The following CISD2 variants were observed in gnomAD, a reference collection of about 807,000 sequenced individuals.
The protein encoded by CISD2 is CDGSH iron-sulfur domain-containing protein 2.
Under a neutral mutation model 12.9 loss-of-function variants are expected in CISD2, and 1 was observed. The observed-to-expected ratio is 0.08, with a 90% CI of 0.03 to 0.37. The LOEUF is 0.37. Ranked by LOEUF, CISD2 falls within the 10% of genes least tolerant of loss-of-function variation. CISD2 has a pLI of 0.99. For synonymous variants in CISD2, 50 were observed against 60.6 expected, an observed-to-expected ratio of 0.83 and a Z score of 0.81; for missense variants, 97 against 163.1, an observed-to-expected ratio of 0.59 and a Z score of 2.21.
In CISD2 at chr4:102,869,381, T is replaced by G. The variant is rs948178049; in HGVS notation, c.103+194T>G. On this transcript the variant is annotated intron_variant, in intron 1 of 2. Coordinates refer to ENST00000273986, the MANE Select transcript of CISD2 (RefSeq NM_001008388.5). ...TGTGAGGCAGTCTCCGGGTGCTTGATGCCCCAGGGTCTTTTGTCCTCGGAG... is the reference window on the plus strand; with the variant it reads ...TGTGAGGCAGTCTCCGGGTGCTTGAGGCCCCAGGGTCTTTTGTCCTCGGAG... 2.7e-5 allele frequency: 20 copies of G among 750,650 alleles called. No homozygotes were observed. The East Asian group carries it at 5.3e-4, about 20-fold the overall frequency. 46.5% of individuals were successfully genotyped at this position (750,650 alleles called of 1,614,324 possible).
In CISD2 at chr4:102,891,340, C is replaced by A. The variant is rs1342854679; in HGVS notation, c.*3910C>A. ...AGGGTCTTGCAGAAGGGGTGAACTACAAAATGTGACAGCTGACAGCAAGTC... is the reference window on the plus strand; with the variant it reads ...AGGGTCTTGCAGAAGGGGTGAACTAAAAAATGTGACAGCTGACAGCAAGTC... On this transcript the variant is annotated 3_prime_UTR_variant, in exon 3 of 3. Coordinates refer to ENST00000273986, the MANE Select transcript of CISD2 (RefSeq NM_001008388.5). The A allele has an allele frequency of 6.6e-6, 1 of 152,080 alleles. No individual in the cohort carries two copies. The highest frequency in any genetic ancestry group is 1.5e-5 in the Non-Finnish European group (1 of 68,010). 9.4% of individuals were successfully genotyped at this position (152,080 alleles called of 1,614,324 possible).
intron 1 of CISD2, among the ~76,000 whole-genome samples, chr4:102,879,479 GC>G (rs1638369229): frequency 6.6e-6 from 1 of 152,086 alleles, no homozygotes; most frequent in Non-Finnish European, 1.5e-5. Flanking sequence ...ATCAAACTGA[GC>G]GCTTCACAAA....
At chr4:102,882,974 C>G (rs1246842654) in intron 1 of CISD2, 1 of 152,230 alleles carries the variant, frequency 6.6e-6, no homozygotes, top group African/African-American at 2.4e-5. Context: ...TCTTGAACTC[C>G]TAACCTCGTG....
At chr4:102,884,613 G>T (rs1268837248) in intron 1 of CISD2, among the ~76,000 whole-genome samples, 2 of 152,128 alleles carry the variant, frequency 1.3e-5, no homozygotes, top group African/African-American at 2.4e-5. Context: ...TACTCCAAAA[G>T]GCTTTAAATG....
At chr4:102,870,307 G>T (rs1432809388) in intron 1 of CISD2, among the ~76,000 whole-genome samples, 2 of 152,128 alleles carry the variant, frequency 1.3e-5, no homozygotes, top group African/African-American at 4.8e-5. Context: ...GTCTAAGGAA[G>T]ATTTTTTTTT....
At chr4:102,876,783 A>G (rs1733602812) in intron 1 of CISD2, among the ~76,000 whole-genome samples, 1 of 152,098 alleles carries the variant, frequency 6.6e-6, no homozygotes, top group Non-Finnish European at 1.5e-5. Context: ...AGAATGGGTA[A>G]TTTATAAAGG....
intron 1 of CISD2, among the ~76,000 whole-genome samples, chr4:102,883,553 G>C (rs1281320482): frequency 6.6e-6 from 1 of 152,158 alleles, no homozygotes; most frequent in African/African-American, 2.4e-5. Context: ...CTACAAGTCT[G>C]TTGGGTACAA....
intron 1 of CISD2, among the ~76,000 whole-genome samples, chr4:102,877,685 G>A (rs566963379): frequency 6.6e-6 from 1 of 152,312 alleles, no homozygotes; most frequent in Admixed American, 6.5e-5. Flanking sequence ...CTCCATGAAG[G>A]CTCCACCCCT....
At chr4:102,869,406 G>A in intron 1 of CISD2, 1 of 717,390 alleles carries the variant, frequency 1.4e-6, no homozygotes, top group Non-Finnish European at 2.5e-6. Context: ...TGTCCTCGGA[G>A]TTGTCTCCGG....
rs987017014 is a variant in CISD2, at chr4:102,889,088, T to C, written c.*1658T>C. Reference sequence around the variant, plus strand: ...TTTAATTTATTACATGTAATGTCAGTAGGTTCAATTATATGATCGTAACAT... The same window carrying C: ...TTTAATTTATTACATGTAATGTCAGCAGGTTCAATTATATGATCGTAACAT... On this transcript the variant is annotated 3_prime_UTR_variant, in exon 3 of 3. Transcript: ENST00000273986. The C allele has an allele frequency of 1.3e-4, 20 of 152,224 alleles. No individual in the cohort carries two copies. Among genetic ancestry groups the C allele is most frequent in the African/African-American group, 4.6e-4 (19 of 41,468 alleles). The allele number at this position is 152,224 out of a possible 1,614,324, so 9.4% of individuals were successfully genotyped here.
chr4:102,881,009 T>A (rs549018429), intron 1 of CISD2, among the ~76,000 whole-genome samples: 254 of 149,196 alleles, frequency 1.7e-3, no homozygotes, highest in African/African-American at 4.1e-3. Context: ...AAAAAAAAAA[T>A]TTTTTTTGCA....
rs1303466354 is a variant in CISD2, at chr4:102,876,104, T to A, written c.103+6917T>A. ...TGTTTATTTGTTCACTTGTTTATAG[T>A]CTCTGTCCTCTGAAATATATACCCT... On this transcript the variant is annotated intron_variant, in intron 1 of 2. Coordinates refer to ENST00000273986, the MANE Select transcript of CISD2 (RefSeq NM_001008388.5). 2.0e-5 allele frequency among the ~76,000 whole-genome samples: 3 copies of A among 152,234 alleles called. No individual in the cohort carries two copies. In the East Asian group the frequency reaches 5.8e-4, roughly 29 times the overall value.
intron 1 of CISD2, among the ~76,000 whole-genome samples, chr4:102,870,885 A>G (rs987675606): frequency 2.6e-5 from 4 of 152,192 alleles, no homozygotes; most frequent in Admixed American, 6.5e-5. Context: ...AAATGTTTCT[A>G]TTTTTTAAAA....
At chr4:102,869,272 C>G (rs1733350496) in intron 1 of CISD2, 85 bp downstream of exon 1, 2 of 1,511,740 alleles carry the variant, frequency 1.3e-6, no homozygotes, top group African/African-American at 2.8e-5. Flanking sequence ...GGCCAAGGGG[C>G]GGGACGGAGC....
At chr4:102,881,463 G>T (rs1033730695) in intron 1 of CISD2, among the ~76,000 whole-genome samples, 3 of 152,202 alleles carry the variant, frequency 2.0e-5, no homozygotes, top group African/African-American at 7.2e-5. Context: ...GATAAATGAG[G>T]TGACGAATAT....
chr4:102,885,766 T>C (rs959835185), intron 2 of CISD2, among the ~76,000 whole-genome samples: 7 of 152,216 alleles, frequency 4.6e-5, no homozygotes, highest in African/African-American at 1.7e-4. Context: ...TCAAATATAC[T>C]TGTCACAGTA....
rs181140079 is a variant in CISD2, at chr4:102,887,885, G to A, written c.*455G>A. On this transcript the variant is annotated 3_prime_UTR_variant, in exon 3 of 3. Coordinates refer to ENST00000273986, the MANE Select transcript of CISD2 (RefSeq NM_001008388.5). The stretch of plus-strand genomic sequence containing the variant: ...GAATTAAGAAAAATATTGCCATCAA[G>A]AATTACTTGTGTTTTCACAGAGATA... The A allele has an allele frequency of 4.3e-3, 694 of 160,148 alleles. 2 individuals carry two copies. The highest frequency in any genetic ancestry group is 0.038 in the East Asian group (210 of 5,570). 9.9% of individuals were successfully genotyped at this position (160,148 alleles called of 1,614,324 possible).
rs540280829 is a variant in CISD2, at chr4:102,892,071, T to C, written c.*4641T>C. The C allele has an allele frequency of 2.0e-5, 3 of 152,330 alleles. No homozygotes were observed. In the East Asian group the frequency reaches 5.8e-4, roughly 29 times the overall value. The allele number at this position is 152,330 out of a possible 1,614,324, so 9.4% of individuals were successfully genotyped here. ...TAAACTAATTTTATCTACTTTCATA[T>C]ATTTTGAGACAAAGTCTGGCCCTGT... On this transcript the variant is annotated 3_prime_UTR_variant, in exon 3 of 3. Coordinates refer to ENST00000273986, the MANE Select transcript of CISD2 (RefSeq NM_001008388.5).
intron 1 of CISD2, among the ~76,000 whole-genome samples, chr4:102,878,555 A>T (rs900478295): frequency 6.6e-6 from 1 of 152,224 alleles, no homozygotes; most frequent in Non-Finnish European, 1.5e-5. Context: ...TCTCTTGGGC[A>T]GGGGCAAAAT....
Sources: allele counts gnomAD v4.1 joint callset (sites outside exome capture counted in the v4.1 genomes callset), GRCh38; gene constraint gnomAD v4.1.1; transcripts MANE v1.5; gene names NCBI Gene and HGNC (gene_info 2026-07-23, HGNC 2026-07-21).